RAB15: variants seen among roughly 807,000 people sequenced by gnomAD.
RAB15 encodes the protein ras-related protein Rab-15.
A neutral mutation model predicts 31.8 loss-of-function variants in RAB15; 13 were observed. The observed-to-expected ratio is 0.41, with a 90% CI of 0.27 to 0.65. The LOEUF (loss-of-function observed/expected upper bound fraction) is 0.65. RAB15 is among the 30% of genes least tolerant of loss of function. RAB15 has a pLI of 0.32. For synonymous variants in RAB15, 100 were observed against 105.6 expected (o/e 0.95, Z 0.33); for missense variants, 220 against 277.3 (o/e 0.79, Z 1.47).
In RAB15 at chr14:64,950,643, G is replaced by C; in HGVS notation, c.325-229C>G. On this transcript the variant is annotated intron_variant, in intron 4 of 6. Transcript: ENST00000533601. The surrounding 1 kb of genome is among the most constrained non-coding windows in gnomAD (Gnocchi z 5.6). ...TCTGGCTAAGACTGGTGCTTCCTTG[G>C]GTTAGACCACTGGTATCAGAGCTGG... 1.7e-6 allele frequency: 1 copy of C among 602,390 alleles called. No individual in the cohort carries two copies. Among genetic ancestry groups the C allele is most frequent in the Non-Finnish European group, 3.0e-6 (1 of 338,416 alleles). The allele number at this position is 602,390 out of a possible 1,614,324, so 37.3% of individuals were successfully genotyped here. A position where few individuals can be genotyped will look rare whatever the true frequency, so the allele number is the denominator to read the frequency against.
At position 64,952,676 on chromosome 14, in the gene RAB15, G is replaced by T; in HGVS notation, c.125-105C>A. 1 of 793,128 alleles carries T rather than the reference G, an allele frequency of 1.3e-6. No homozygotes were observed. Among genetic ancestry groups the T allele is most frequent in the Non-Finnish European group, 2.1e-6 (1 of 482,122 alleles). The allele number at this position is 793,128 out of a possible 1,614,324, so 49.1% of individuals were successfully genotyped here. ...GAAAGGTTTCCTTTCAGTTTAATTT[G>T]GCAAAGGGATGAAGTAATGTAAAGG... On this transcript the variant is annotated intron_variant, in intron 1 of 6. Transcript: ENST00000533601. This position sits in a 1 kb window ranked among gnomAD's most constrained non-coding sequence, Gnocchi z 4.2.
rs755804668 is a variant in RAB15 at position 64,951,600 on chromosome 14, T to A, written c.246+3A>T. 6.2e-7 allele frequency: 1 copy of A among 1,614,020 alleles called. No individual in the cohort carries two copies. Among genetic ancestry groups the A allele is most frequent in the Non-Finnish European group, 8.5e-7 (1 of 1,179,918 alleles). ...CTTTGAAACCCCCAATGTGGTGGCT[T>A]ACCTGGGCCCGCCGATAGTACTGCT... is the stretch of plus-strand genomic sequence containing the variant. On this transcript the variant is annotated splice_donor_region_variant and intron_variant, in intron 3 of 6. Transcript: ENST00000533601. The surrounding 1 kb of genome is among the most constrained non-coding windows in gnomAD (Gnocchi z 7.2).
chr14:64,971,919 G>A lies in RAB15; in HGVS notation c.124+34C>T. 6.5e-7 allele frequency: 1 copy of A among 1,541,014 alleles called. No individual in the cohort carries two copies. The highest frequency in any genetic ancestry group is 1.2e-5 in the South Asian group (1 of 83,940). On this transcript the variant is annotated intron_variant, in intron 1 of 6. Transcript: ENST00000533601. This position sits in a 1 kb window ranked among gnomAD's most constrained non-coding sequence, Gnocchi z 4.1. ...CGGCGGGGAAAGGGGCCGCGGGCGG[G>A]GAGGGAGGGGCGCCCCGGGCCACCG... is the stretch of plus-strand genomic sequence containing the variant.
At chr14:64,969,918 C>G (rs965551734) in intron 1 of RAB15, among the ~76,000 whole-genome samples, 1 of 152,124 alleles carries the variant, frequency 6.6e-6, no homozygotes, top group Non-Finnish European at 1.5e-5. Flanking sequence ...AAGGAGAGCA[C>G]GAGCCTCAGA....
chr14:64,972,217 C>T lies in RAB15; in HGVS notation c.-141G>A, dbSNP rs1199036875. 1 of 514,480 alleles carries T rather than the reference C, an allele frequency of 1.9e-6. No individual in the cohort carries two copies. 31.9% of individuals were successfully genotyped at this position (514,480 alleles called of 1,614,324 possible). On this transcript the variant is annotated 5_prime_UTR_variant, in exon 1 of 7. Coordinates refer to ENST00000533601, the MANE Select transcript of RAB15 (RefSeq NM_001308154.2). This position sits in a 1 kb window ranked among gnomAD's most constrained non-coding sequence, Gnocchi z 6.3. ...GGGCCCGGCCCCCGCGGCTGCCTCG[C>T]CCGCCCGCCTGCCCACTCGCTCGCT...
intron 1 of RAB15, among the ~76,000 whole-genome samples, chr14:64,956,017 G>A (rs1220630674): frequency 6.6e-6 from 1 of 152,236 alleles, no homozygotes; most frequent in Non-Finnish European, 1.5e-5. Context: ...AGGTGAAGAT[G>A]ACGCTACTGT....
rs1886274169 is a variant in RAB15 at position 64,951,915 on chromosome 14, C to A, written c.186-252G>T. ...AACCAGAAGCCACAGCCAGAACAGGCCTTGGACAGCTCTCTGGAATCTGGC... is the reference window on the plus strand; with the variant it reads ...AACCAGAAGCCACAGCCAGAACAGGACTTGGACAGCTCTCTGGAATCTGGC... On this transcript the variant is annotated intron_variant, in intron 2 of 6. Transcript: ENST00000533601. The surrounding 1 kb of genome is among the most constrained non-coding windows in gnomAD (Gnocchi z 7.2). Among the ~76,000 whole-genome samples the A allele has an allele frequency of 6.6e-6, 1 of 152,212 alleles. No individual in the cohort carries two copies. Among genetic ancestry groups the A allele is most frequent in the Non-Finnish European group, 1.5e-5 (1 of 68,028 alleles).
chr14:64,960,340 C>G (rs1886789431), intron 1 of RAB15, among the ~76,000 whole-genome samples: 1 of 152,212 alleles, frequency 6.6e-6, no homozygotes, highest in Admixed American at 6.5e-5. Context: ...CAGAAAGGAG[C>G]AGGCAGGGCA....
At position 64,948,322 on chromosome 14, in the gene RAB15, A is replaced by G; in HGVS notation, c.*32T>C. 6.8e-7 allele frequency: 1 copy of G among 1,468,140 alleles called. No homozygotes were observed. The highest frequency in any genetic ancestry group is 1.4e-5 in the South Asian group (1 of 71,718). The allele number at this position is 1,468,140 out of a possible 1,614,324, so 90.9% of individuals were successfully genotyped here. ...CTGCCCACGGGCCTCCTGAGGGAAG[A>G]GGGGTGTCGTGTGGGGTGCCCCACA... is the stretch of plus-strand genomic sequence containing the variant. On this transcript the variant is annotated 3_prime_UTR_variant, in exon 7 of 7. Coordinates refer to ENST00000533601, the MANE Select transcript of RAB15 (RefSeq NM_001308154.2). This position sits in a 1 kb window ranked among gnomAD's most constrained non-coding sequence, Gnocchi z 7.0.
In RAB15 at chr14:64,952,261, A is replaced by G. The variant is rs1183974058; in HGVS notation, c.185+250T>C. On this transcript the variant is annotated intron_variant, in intron 2 of 6. Coordinates refer to ENST00000533601, the MANE Select transcript of RAB15 (RefSeq NM_001308154.2). The surrounding 1 kb of genome is among the most constrained non-coding windows in gnomAD (Gnocchi z 4.2). ...AAGCCTAATCCTGAGATAAATTCAC[A>G]ATGGTTAGTGTGCCAGTTCCTTCTA... 6.6e-6 allele frequency among the ~76,000 whole-genome samples: 1 copy of G among 152,158 alleles called. No individual in the cohort carries two copies. Among genetic ancestry groups the G allele is most frequent in the Non-Finnish European group, 1.5e-5 (1 of 68,034 alleles).
chr14:64,950,463 C>A lies in RAB15; in HGVS notation c.325-49G>T, dbSNP rs757300823. 27 of 1,468,594 alleles carry A rather than the reference C, an allele frequency of 1.8e-5. No individual in the cohort carries two copies. The highest frequency in any genetic ancestry group is 2.5e-5 in the Non-Finnish European group (26 of 1,049,856). The allele number at this position is 1,468,594 out of a possible 1,614,324, so 91.0% of individuals were successfully genotyped here. A position where few individuals can be genotyped will look rare whatever the true frequency, so the allele number is the denominator to read the frequency against. On this transcript the variant is annotated intron_variant, in intron 4 of 6. Coordinates refer to ENST00000533601, the MANE Select transcript of RAB15 (RefSeq NM_001308154.2). The surrounding 1 kb of genome is among the most constrained non-coding windows in gnomAD (Gnocchi z 5.6). ...CAGCCAGTGAGTGCTGCCTGCCCCC[C>A]CAATTTTCCCTACAGAGTCTGCACT...
At position 64,948,201 on chromosome 14, in the gene RAB15, G is replaced by T; in HGVS notation, c.*153C>A. ...GGCTGCTTGAGATGACAGCAGAGCC[G>T]CTCTCAGGGCCAGGCAGGGGGAGTA... On this transcript the variant is annotated 3_prime_UTR_variant, in exon 7 of 7. Coordinates refer to ENST00000533601, the MANE Select transcript of RAB15 (RefSeq NM_001308154.2). This position sits in a 1 kb window ranked among gnomAD's most constrained non-coding sequence, Gnocchi z 7.0. 3 of 786,020 alleles carry T rather than the reference G, an allele frequency of 3.8e-6. No homozygotes were observed. The highest frequency in any genetic ancestry group is 2.3e-5 in the South Asian group (1 of 44,084). 48.7% of individuals were successfully genotyped at this position (786,020 alleles called of 1,614,324 possible). A position where few individuals can be genotyped will look rare whatever the true frequency, so the allele number is the denominator to read the frequency against.
chr14:64,948,525 G>A lies in RAB15; in HGVS notation c.481-13C>T. 1 of 1,603,798 alleles carries A rather than the reference G, an allele frequency of 6.2e-7. No individual in the cohort carries two copies. Among genetic ancestry groups the A allele is most frequent in the Non-Finnish European group, 8.5e-7 (1 of 1,174,708 alleles). ...GACGCGTGAATGACTGGAAACCAAA[G>A]GGCACAGGTTAGTCCAGTGTCTCCT... On this transcript the variant is annotated splice_polypyrimidine_tract_variant and intron_variant, in intron 6 of 6. Coordinates refer to ENST00000533601, the MANE Select transcript of RAB15 (RefSeq NM_001308154.2). The surrounding 1 kb of genome is among the most constrained non-coding windows in gnomAD (Gnocchi z 7.0).
At position 64,951,482 on chromosome 14, in the gene RAB15, T is replaced by C. The variant is rs1217604807; in HGVS notation, c.246+121A>G. ...ATCAGTGAACAGCTGAAAGACGCCC[T>C]GCGCTCCTCCAAGCAGGCGAACTGT... On this transcript the variant is annotated intron_variant, in intron 3 of 6. Transcript: ENST00000533601. The surrounding 1 kb of genome is among the most constrained non-coding windows in gnomAD (Gnocchi z 7.2). 5.5e-6 allele frequency: 5 copies of C among 915,986 alleles called. No individual in the cohort carries two copies. Among genetic ancestry groups the C allele is most frequent in the Admixed American group, 1.7e-5 (1 of 58,952 alleles). The allele number at this position is 915,986 out of a possible 1,614,324, so 56.7% of individuals were successfully genotyped here.
Position 64,955,086 on chromosome 14 carries a change from G to A in RAB15, c.125-2515C>T, listed in dbSNP as rs1004702855. On this transcript the variant is annotated intron_variant, in intron 1 of 6. Coordinates refer to ENST00000533601, the MANE Select transcript of RAB15 (RefSeq NM_001308154.2). This position sits in a 1 kb window ranked among gnomAD's most constrained non-coding sequence, Gnocchi z 4.4. ...AATTCCGGGGCTCGCAGCACTCCCC[G>A]GCCTCACACACACCCCACCATCTTG... 5.3e-5 allele frequency among the ~76,000 whole-genome samples: 8 copies of A among 151,984 alleles called. No homozygotes were observed. Among genetic ancestry groups the A allele is most frequent in the South Asian group, 4.1e-4 (2 of 4,820 alleles).
At chr14:64,964,437 A>C (rs1465683110) in intron 1 of RAB15, among the ~76,000 whole-genome samples, 1 of 149,668 alleles carries the variant, frequency 6.7e-6, no homozygotes, top group African/African-American at 2.5e-5. Flanking sequence ...CAGGGAAATC[A>C]CTTGAACCTG....
rs757300823 is a variant in RAB15 at position 64,950,463 on chromosome 14, C to T, written c.325-49G>A. 1.1e-5 allele frequency: 16 copies of T among 1,468,476 alleles called. No homozygotes were observed. In the Admixed American group the frequency reaches 1.3e-4, roughly 12 times the overall value. 91.0% of individuals were successfully genotyped at this position (1,468,476 alleles called of 1,614,324 possible). A position where few individuals can be genotyped will look rare whatever the true frequency, so the allele number is the denominator to read the frequency against. ...CAGCCAGTGAGTGCTGCCTGCCCCC[C>T]CAATTTTCCCTACAGAGTCTGCACT... On this transcript the variant is annotated intron_variant, in intron 4 of 6. Transcript: ENST00000533601. The surrounding 1 kb of genome is among the most constrained non-coding windows in gnomAD (Gnocchi z 5.6).
chr14:64,950,642 G>GGGTTA lies in RAB15; in HGVS notation c.325-233_325-229dup. ...CTCTGGCTAAGACTGGTGCTTCCTT[G>GGGTTA]GGTTAGACCACTGGTATCAGAGCTG... On this transcript the variant is annotated intron_variant, in intron 4 of 6. Coordinates refer to ENST00000533601, the MANE Select transcript of RAB15 (RefSeq NM_001308154.2). The surrounding 1 kb of genome is among the most constrained non-coding windows in gnomAD (Gnocchi z 5.6). 1.7e-6 allele frequency: 1 copy of GGGTTA among 602,074 alleles called. No individual in the cohort carries two copies. The highest frequency in any genetic ancestry group is 3.0e-6 in the Non-Finnish European group (1 of 338,166). 37.3% of individuals were successfully genotyped at this position (602,074 alleles called of 1,614,324 possible).
In RAB15 at chr14:64,955,114, A is replaced by G. The variant is rs541663509; in HGVS notation, c.125-2543T>C. On this transcript the variant is annotated intron_variant, in intron 1 of 6. Coordinates refer to ENST00000533601, the MANE Select transcript of RAB15 (RefSeq NM_001308154.2). The surrounding 1 kb of genome is among the most constrained non-coding windows in gnomAD (Gnocchi z 4.4). Reference sequence around the variant, plus strand: ...CTCACACACACCCCACCATCTTGCAACCTAGGTCTCACTGGCCACCTGGGA... The same window carrying G: ...CTCACACACACCCCACCATCTTGCAGCCTAGGTCTCACTGGCCACCTGGGA... Among the ~76,000 whole-genome samples, 458 of 152,210 alleles carry G rather than the reference A, an allele frequency of 3.0e-3. 3 individuals are homozygous for G. Among genetic ancestry groups the G allele is most frequent in the Middle Eastern group, 0.014 (4 of 294 alleles).
Sources: gnomAD v4.1 joint callset for allele counts (sites outside exome capture counted in the v4.1 genomes callset) on GRCh38, gnomAD v4.1.1 for gene constraint, Gnocchi (gnomAD v3.1) non-coding constraint, MANE v1.5 for transcripts, NCBI Gene and HGNC (gene_info 2026-07-23, HGNC 2026-07-21) for gene names.